The following ATRX variants were observed in gnomAD, a reference collection of about 807,000 sequenced individuals.
The protein encoded by ATRX is chromatin remodeler ATRX.
In ATRX, 12 loss-of-function variants were observed where a neutral mutation model predicts 172.6. The ratio of observed to expected loss-of-function variants is 0.07; its 90% CI spans 0.04 to 0.11. The LOEUF is 0.11. Among genes scored for constraint, ATRX ranks in the 10% least tolerant of loss-of-function variants. The pLI is 1.00. For synonymous variants in ATRX, 674 were observed against 594.7 expected (o/e 1.13, Z -1.94); for missense variants, 1,368 against 1,767.4 (o/e 0.77, Z 4.05).
intron 30 of ATRX, among the ~76,000 whole-genome samples, chrX:77,552,577 G>A (rs782140110): frequency 3.6e-5 from 4 of 110,261 alleles, no homozygotes; most frequent in Admixed American, 9.7e-5. Flanking sequence ...AAACCTGCAC[G>A]TTGTGTACAT....
chrX:77,775,409 T>C (rs1232416111), intron 1 of ATRX, among the ~76,000 whole-genome samples: 1 of 111,499 alleles, frequency 9.0e-6, no homozygotes, highest in African/African-American at 3.3e-5. Flanking sequence ...ATGGCCAGGT[T>C]TGGTGGCTCA....
chrX:77,762,074 G>A (rs140962424), intron 1 of ATRX, among the ~76,000 whole-genome samples: 1,715 of 109,717 alleles, frequency 0.016, 30 homozygotes, highest in African/African-American at 0.054. Context: ...AGGCCGAGGC[G>A]GGCAGATCAC....
chrX:77,637,180 A>G (rs896802586), intron 15 of ATRX, among the ~76,000 whole-genome samples: 1 of 112,122 alleles, frequency 8.9e-6, no homozygotes, highest in Non-Finnish European at 1.9e-5. Context: ...GAAAAGAAAA[A>G]AATATTTAGA....
At chrX:77,672,964 A>C (rs1235766907) in intron 10 of ATRX, among the ~76,000 whole-genome samples, 1 of 111,341 alleles carries the variant, frequency 9.0e-6, no homozygotes, top group Non-Finnish European at 1.9e-5. Context: ...TCAAAAGATA[A>C]TTCTTTTTTG....
intron 22 of ATRX, chrX:77,616,286 T>C: frequency 3.3e-6 from 3 of 899,644 alleles, no homozygotes; most frequent in Non-Finnish European, 1.4e-6. Flanking sequence ...TGTGGGTAAA[T>C]ACTTTTTAAA....
intron 10 of ATRX, among the ~76,000 whole-genome samples, chrX:77,673,250 C>T (rs967182505): frequency 9.0e-6 from 1 of 111,143 alleles, no homozygotes; most frequent in African/African-American, 3.3e-5. Context: ...GAATAGATGT[C>T]TTTTCAGAGA....
intron 1 of ATRX, among the ~76,000 whole-genome samples, chrX:77,769,053 G>A (rs930391370): frequency 9.9e-5 from 11 of 111,040 alleles, no homozygotes; most frequent in African/African-American, 2.0e-4. Flanking sequence ...AAAAGTAAGC[G>A]AGGCACTGTG....
chrX:77,725,854 C>T (rs1557172491), intron 1 of ATRX, among the ~76,000 whole-genome samples: 2 of 112,350 alleles, frequency 1.8e-5, no homozygotes, highest in African/African-American at 6.5e-5. Flanking sequence ...ATTTATGCAG[C>T]CAAAGACACA....
In ATRX at chrX:77,675,815, T is replaced by A. The variant is rs45567438; in HGVS notation, c.3809+411A>T. 2.6e-3 allele frequency: 331 copies of A among 125,206 alleles called. 4 individuals carry two copies. The highest frequency in any genetic ancestry group is 2.8e-3 in the Non-Finnish European group (170 of 60,826). The allele number at this position is 125,206 out of a possible 1,213,427, so 10.3% of individuals were successfully genotyped here. A position where few individuals can be genotyped will look rare whatever the true frequency, so the allele number is the denominator to read the frequency against. ...CTTTTTGTTTCTTCTCAACAGGCCT[T>A]AATAAATAGGACCACCATATTGGAT... On this transcript the variant is annotated intron_variant, in intron 10 of 34. Transcript: ENST00000373344.
At chrX:77,751,785 T>C (rs2075311429) in intron 1 of ATRX, among the ~76,000 whole-genome samples, 1 of 112,146 alleles carries the variant, frequency 8.9e-6, no homozygotes, top group Non-Finnish European at 1.9e-5. Context: ...CCTTTCCCCA[T>C]TGCTTGTCTT....
intron 28 of ATRX, among the ~76,000 whole-genome samples, chrX:77,566,818 A>C (rs2065215923): frequency 8.9e-6 from 1 of 112,364 alleles, no homozygotes; most frequent in African/African-American, 3.2e-5. Flanking sequence ...AGGAATACTG[A>C]AACATTAGGG....
chrX:77,774,504 C>T (rs1216074980), intron 1 of ATRX, among the ~76,000 whole-genome samples: 1 of 110,517 alleles, frequency 9.0e-6, no homozygotes, highest in East Asian at 2.9e-4. Context: ...GGTGAAAACC[C>T]GTCTCGACTA....
intron 27 of ATRX, among the ~76,000 whole-genome samples, chrX:77,581,599 C>T (rs999454114): frequency 9.0e-6 from 1 of 111,283 alleles, no homozygotes; most frequent in Non-Finnish European, 1.9e-5. Context: ...AGAGATAGAC[C>T]CCAATAAAAT....
chrX:77,752,363 AAGG>A (rs1569545232), intron 1 of ATRX, among the ~76,000 whole-genome samples: 1 of 112,064 alleles, frequency 8.9e-6, no homozygotes, highest in Non-Finnish European at 1.9e-5. Context: ...TTATCAGCTC[AAGG>A]AGTTTTTGGG....
intron 30 of ATRX, among the ~76,000 whole-genome samples, chrX:77,538,230 A>AACACACACACACACAC (rs34675782): frequency 2.1e-5 from 2 of 95,992 alleles, no homozygotes; most frequent in Admixed American, 1.2e-4. Flanking sequence ...TACACACACA[A>AACACACACACACACAC]ACACACACAC....
In ATRX at chrX:77,653,077, T is replaced by C. The variant is rs782784309; in HGVS notation, c.4318-724A>G. ...AAGTGTTGGCAAAGATGCAGACAAA[T>C]TGGAATCTTGGTACATTGCTAACGG... On this transcript the variant is annotated intron_variant, in intron 14 of 34. Transcript: ENST00000373344. Among the ~76,000 whole-genome samples the C allele has an allele frequency of 2.1e-4, 23 of 107,330 alleles. 1 individual carries two copies. The highest frequency in any genetic ancestry group is 6.4e-4 in the African/African-American group (19 of 29,523). 93.2% of individuals were successfully genotyped at this position (107,330 alleles called of 115,157 possible). A position where few individuals can be genotyped will look rare whatever the true frequency, so the allele number is the denominator to read the frequency against.
chrX:77,778,541 T>C (rs2076441907), intron 1 of ATRX, among the ~76,000 whole-genome samples: 1 of 109,006 alleles, frequency 9.2e-6, no homozygotes, highest in African/African-American at 3.4e-5. Flanking sequence ...GCCAACACGG[T>C]GAAATCCCAT....
At chrX:77,530,438 C>G (rs1467443216) in intron 30 of ATRX, among the ~76,000 whole-genome samples, 1 of 110,275 alleles carries the variant, frequency 9.1e-6, no homozygotes, top group East Asian at 2.8e-4. Flanking sequence ...GAAACCCCAT[C>G]TCTACTAAAA....
chrX:77,551,784 AC>A (rs2147911612), intron 30 of ATRX, among the ~76,000 whole-genome samples: 1 of 110,372 alleles, frequency 9.1e-6, no homozygotes, highest in African/African-American at 3.3e-5. Context: ...AAACAAACAA[AC>A]AACCCCGTCA....
Sources: gnomAD v4.1 joint callset for allele counts (sites outside exome capture counted in the v4.1 genomes callset) on GRCh38, gnomAD v4.1.1 for gene constraint, MANE v1.5 for transcripts, NCBI Gene and HGNC (gene_info 2026-07-23, HGNC 2026-07-21) for gene names.